The following CDKAL1 variants were observed in gnomAD, a reference collection of about 807,000 sequenced individuals.
The protein encoded by CDKAL1 is CDKAL1 threonylcarbamoyladenosine tRNA methylthiotransferase, also known as threonylcarbamoyladenosine tRNA methylthiotransferase.
CDKAL1 carries 32 observed loss-of-function variants against 68.2 expected under a neutral mutation model. The observed-to-expected ratio is 0.47, with a 90% CI of 0.35 to 0.63. The LOEUF (loss-of-function observed/expected upper bound fraction) is 0.63, where lower values mean the gene tolerates loss of function less well. Ranked by LOEUF, CDKAL1 falls within the 30% of genes least tolerant of loss-of-function variation. CDKAL1 has a pLI of 0.00. For missense variants in CDKAL1, 606 were observed against 696.7 expected, an observed-to-expected ratio of 0.87 and a Z score of 1.47; for synonymous variants, 234 against 244.3, an observed-to-expected ratio of 0.96 and a Z score of 0.39.
chr6:20,852,806 G>A (rs1347481347), intron 9 of CDKAL1, among the ~76,000 whole-genome samples: 2 of 152,210 alleles, frequency 1.3e-5, no homozygotes, highest in Non-Finnish European at 2.9e-5. Flanking sequence ...GCAGACCACC[G>A]TGGTTGAAGT....
At chr6:20,684,854 T>A (rs1770547978) in intron 5 of CDKAL1, among the ~76,000 whole-genome samples, 3 of 152,366 alleles carry the variant, frequency 2.0e-5, no homozygotes, top group South Asian at 2.1e-4. Flanking sequence ...CCCCATTTTT[T>A]AATCAGATTG....
At chr6:20,572,885 A>G (rs758027516) in intron 4 of CDKAL1, among the ~76,000 whole-genome samples, 31 of 152,294 alleles carry the variant, frequency 2.0e-4, no homozygotes, top group Non-Finnish European at 4.0e-4. Context: ...AAAAAAGAAA[A>G]AAACTAGGCC....
chr6:20,685,948 G>A (rs1165684627), intron 5 of CDKAL1, among the ~76,000 whole-genome samples: 1 of 152,010 alleles, frequency 6.6e-6, no homozygotes, highest in Admixed American at 6.6e-5. Context: ...CCTTCATTTT[G>A]GGAGGTGCTA....
intron 15 of CDKAL1, among the ~76,000 whole-genome samples, chr6:21,202,302 G>A (rs1486732142): frequency 6.6e-6 from 1 of 152,046 alleles, no homozygotes; most frequent in Non-Finnish European, 1.5e-5. Context: ...GTATAGACCA[G>A]CTTTTGTTAA....
chr6:20,654,776 G>A (rs1306155696), intron 5 of CDKAL1, among the ~76,000 whole-genome samples: 2 of 152,044 alleles, frequency 1.3e-5, no homozygotes, highest in African/African-American at 4.8e-5. Flanking sequence ...ATAGATGTTT[G>A]AATCTGTTCT....
At chr6:20,974,104 A>G (rs1228329724) in intron 10 of CDKAL1, among the ~76,000 whole-genome samples, 1 of 152,224 alleles carries the variant, frequency 6.6e-6, no homozygotes, top group African/African-American at 2.4e-5. Flanking sequence ...TGGGTGGTCC[A>G]AGATTCTCTA....
intron 13 of CDKAL1, among the ~76,000 whole-genome samples, chr6:21,178,572 A>G (rs75341752): frequency 6.6e-6 from 1 of 152,240 alleles, no homozygotes; most frequent in Admixed American, 6.5e-5. Context: ...AGAGGATCAC[A>G]TGGTGAAAGG....
At chr6:21,210,120 A>G (rs1179397894) in intron 15 of CDKAL1, among the ~76,000 whole-genome samples, 1 of 152,208 alleles carries the variant, frequency 6.6e-6, no homozygotes, top group Non-Finnish European at 1.5e-5. Flanking sequence ...ATGATAAATT[A>G]TATGGTCATC....
intron 4 of CDKAL1, 35 bp downstream of exon 4, chr6:20,548,740 T>G (rs1286457408): frequency 1.0e-6 from 1 of 973,270 alleles, no homozygotes; most frequent in African/African-American, 1.7e-5. Context: ...ATTGATTAAA[T>G]TTTTCAGAAT....
intron 13 of CDKAL1, among the ~76,000 whole-genome samples, chr6:21,192,171 A>G (rs9295502): frequency 0.23 from 32,938 of 144,584 alleles, 3,618 homozygotes; most frequent in African/African-American, 0.35. Context: ...ACAGGCGCCC[A>G]CCACCGCGCC....
chr6:21,029,981 T>C (rs1358344089), intron 11 of CDKAL1, among the ~76,000 whole-genome samples: 1 of 152,154 alleles, frequency 6.6e-6, no homozygotes, highest in African/African-American at 2.4e-5. Context: ...ACTGGGTATA[T>C]ACCCAAAGGA....
chr6:20,724,697 TCAAA>T (rs538208408), intron 5 of CDKAL1, among the ~76,000 whole-genome samples: 25 of 152,252 alleles, frequency 1.6e-4, no homozygotes, highest in Middle Eastern at 3.4e-3. Flanking sequence ...AGACCCTGCC[TCAAA>T]CAAACAAACA....
chr6:20,886,768 A>G (rs1213100539), intron 9 of CDKAL1, among the ~76,000 whole-genome samples: 1 of 152,170 alleles, frequency 6.6e-6, no homozygotes, highest in Non-Finnish European at 1.5e-5. Context: ...TGCTTAATGG[A>G]TACAGAGTTT....
intron 13 of CDKAL1, among the ~76,000 whole-genome samples, chr6:21,150,018 C>T (rs996160380): frequency 2.6e-5 from 4 of 152,144 alleles, no homozygotes; most frequent in East Asian, 1.9e-4. Context: ...CCACCACACC[C>T]GGCTAATTTT....
At chr6:20,836,036 T>C (rs985121317) in intron 8 of CDKAL1, among the ~76,000 whole-genome samples, 2 of 152,084 alleles carry the variant, frequency 1.3e-5, no homozygotes, top group Non-Finnish European at 2.9e-5. Context: ...AAGGGACCCA[T>C]GGGTTTCTGC....
intron 9 of CDKAL1, among the ~76,000 whole-genome samples, chr6:20,847,363 C>T (rs1317568207): frequency 6.6e-6 from 1 of 152,094 alleles, no homozygotes; most frequent in Non-Finnish European, 1.5e-5. Context: ...AAAAAATTTT[C>T]CCAGAAACTA....
At chr6:20,758,395 A>G (rs1774318943) in intron 6 of CDKAL1, among the ~76,000 whole-genome samples, 200 bp from the exon 7 acceptor site, 1 of 152,196 alleles carries the variant, frequency 6.6e-6, no homozygotes, top group East Asian at 1.9e-4. Flanking sequence ...TCATTGGAGG[A>G]CAGGAGAGTG....
intron 9 of CDKAL1, among the ~76,000 whole-genome samples, chr6:20,898,031 A>G (rs1325251590): frequency 6.6e-6 from 1 of 152,152 alleles, no homozygotes; most frequent in Non-Finnish European, 1.5e-5. Flanking sequence ...CCTTTAGGGT[A>G]CAGTCTTGTT....
At chr6:20,759,458 C>T (rs1774373713) in intron 7 of CDKAL1, among the ~76,000 whole-genome samples, 1 of 152,054 alleles carries the variant, frequency 6.6e-6, no homozygotes, top group Non-Finnish European at 1.5e-5. Flanking sequence ...GGGAGGATTG[C>T]TTGAGGCTGG....
Sources: allele counts gnomAD v4.1 joint callset (sites outside exome capture counted in the v4.1 genomes callset), GRCh38; gene constraint gnomAD v4.1.1; transcripts MANE v1.5; gene names NCBI Gene and HGNC (gene_info 2026-07-23, HGNC 2026-07-21).